Variants in KIF13A observed in about 807,000 individuals in gnomAD.
KIF13A encodes kinesin family member 13A.
Under a neutral mutation model 212.2 loss-of-function variants are expected in KIF13A, and 79 were observed. The observed-to-expected ratio is 0.37, with a 90% CI of 0.31 to 0.45. The LOEUF (loss-of-function observed/expected upper bound fraction) is 0.45, where lower values mean the gene tolerates loss of function less well. KIF13A is among the 20% of genes least tolerant of loss of function. The probability of loss-of-function intolerance (pLI) is 1.00; values close to 1 mark genes in which losing one functional copy is unlikely to be tolerated. For synonymous variants in KIF13A, 789 were observed against 808.6 expected (o/e 0.98, Z 0.41); for missense variants, 1,901 against 2,209.0 (o/e 0.86, Z 2.79).
At chr6:17,859,644 T>A (rs375636631) in intron 4 of KIF13A, among the ~76,000 whole-genome samples, 17,511 of 129,876 alleles carry the variant, frequency 0.13, 1,649 homozygotes, top group South Asian at 0.17. Context: ...ATATATTTTT[T>A]TTTTTTTTTT....
chr6:17,937,121 T>A (rs950935534), intron 2 of KIF13A, among the ~76,000 whole-genome samples: 3 of 152,136 alleles, frequency 2.0e-5, no homozygotes, highest in Non-Finnish European at 2.9e-5. Context: ...GAGGCTGCAG[T>A]GAGCTCAACC....
At position 17,934,742 on chromosome 6, in the gene KIF13A, T is replaced by C. The variant is rs899631591; in HGVS notation, c.147-36562A>G. On this transcript the variant is annotated intron_variant, in intron 2 of 38. Transcript: ENST00000259711. This position sits in a 1 kb window ranked among gnomAD's most constrained non-coding sequence, Gnocchi z 5.4. ...GGTAGAGGCTGTGGTGAGCCATGAC[T>C]GCACCACTGACTCCAGCCTGGGCAA... is the stretch of plus-strand genomic sequence containing the variant. Among the ~76,000 whole-genome samples the C allele has an allele frequency of 6.6e-6, 1 of 150,646 alleles. No individual in the cohort carries two copies. Among genetic ancestry groups the C allele is most frequent in the Non-Finnish European group, 1.5e-5 (1 of 67,800 alleles).
In KIF13A at chr6:17,888,123, A is replaced by G. The variant is rs1771719207; in HGVS notation, c.159+10045T>C. Among the ~76,000 whole-genome samples, 1 of 152,184 alleles carries G rather than the reference A, an allele frequency of 6.6e-6. No individual in the cohort carries two copies. Among genetic ancestry groups the G allele is most frequent in the Non-Finnish European group, 1.5e-5 (1 of 68,026 alleles). ...TTCTTCCTCAGAAGACACAAGACAC[A>G]AAGTACTGAAGTAGTGAATGATGAT... is the stretch of plus-strand genomic sequence containing the variant. On this transcript the variant is annotated intron_variant, in intron 3 of 38. Transcript: ENST00000259711. The surrounding 1 kb of genome is among the most constrained non-coding windows in gnomAD (Gnocchi z 4.8).
At chr6:17,823,917 C>CTTTTTT (rs60400987) in intron 16 of KIF13A, among the ~76,000 whole-genome samples, 1 of 138,010 alleles carries the variant, frequency 7.2e-6, no homozygotes, top group Non-Finnish European at 1.5e-5. Context: ...ATTTAAATTT[C>CTTTTTT]TTTTTTTTTT....
At chr6:17,969,955 C>T (rs1199312789) in intron 2 of KIF13A, among the ~76,000 whole-genome samples, 1 of 151,120 alleles carries the variant, frequency 6.6e-6, no homozygotes, top group Non-Finnish European at 1.5e-5. Flanking sequence ...CGGAGTCTCG[C>T]TCTTTCACCC....
chr6:17,901,707 T>C (rs573242917), intron 2 of KIF13A, among the ~76,000 whole-genome samples: 90 of 152,332 alleles, frequency 5.9e-4, no homozygotes, highest in Admixed American at 1.5e-3. Flanking sequence ...TGAATCACTA[T>C]CTGCACAAAT....
intron 2 of KIF13A, among the ~76,000 whole-genome samples, chr6:17,983,937 C>G (rs1439834831): frequency 1.3e-5 from 2 of 152,198 alleles, no homozygotes; most frequent in Non-Finnish European, 2.9e-5. Context: ...CTCTCAGCAT[C>G]CATAAGACCA....
At chr6:17,775,237 A>G (rs956594377) in intron 34 of KIF13A, among the ~76,000 whole-genome samples, 175 bp from the exon 35 acceptor site, 1 of 152,166 alleles carries the variant, frequency 6.6e-6, no homozygotes, top group Non-Finnish European at 1.5e-5. Context: ...TCATTCCCAT[A>G]TAAGTTTTAT....
chr6:17,861,965 C>T (rs1247618638), intron 4 of KIF13A, among the ~76,000 whole-genome samples: 3 of 152,168 alleles, frequency 2.0e-5, no homozygotes, highest in African/African-American at 7.2e-5. Context: ...TTTTCACCCC[C>T]AAATTATATA....
At chr6:17,848,072 A>G (rs1398363891) in intron 9 of KIF13A, among the ~76,000 whole-genome samples, 2 of 152,016 alleles carry the variant, frequency 1.3e-5, no homozygotes, top group African/African-American at 2.4e-5. Flanking sequence ...TCAGCCTCCC[A>G]AAGTGCTAGG....
intron 14 of KIF13A, among the ~76,000 whole-genome samples, chr6:17,827,345 C>A (rs757375765): frequency 1.3e-5 from 2 of 152,052 alleles, no homozygotes; most frequent in Non-Finnish European, 2.9e-5. Context: ...AATATGCCCC[C>A]CTTGGCCTCC....
At chr6:17,874,175 T>G (rs942590723) in intron 3 of KIF13A, among the ~76,000 whole-genome samples, 3 of 152,136 alleles carry the variant, frequency 2.0e-5, no homozygotes, top group Admixed American at 1.3e-4. Context: ...CATGATATCA[T>G]CTGTAGCATA....
At chr6:17,935,305 G>C (rs932402393) in intron 2 of KIF13A, among the ~76,000 whole-genome samples, 3 of 152,176 alleles carry the variant, frequency 2.0e-5, no homozygotes, top group Non-Finnish European at 4.4e-5. Context: ...AGCTATTTCT[G>C]CTGAGCCCCC....
At chr6:17,874,283 G>GTTTTTTT (rs67558921) in intron 3 of KIF13A, among the ~76,000 whole-genome samples, 27 of 147,972 alleles carry the variant, frequency 1.8e-4, no homozygotes, top group East Asian at 6.0e-4. Flanking sequence ...TTTTGTTTTT[G>GTTTTTTT]TTTTTTGGTG....
intron 9 of KIF13A, among the ~76,000 whole-genome samples, chr6:17,846,604 TAAAAAAAA>T (rs11431431): frequency 7.9e-6 from 1 of 127,038 alleles, no homozygotes; most frequent in African/African-American, 3.0e-5. Context: ...CCCATTTCTT[TAAAAAAAA>T]AAAAAAAAAA....
At chr6:17,804,293 G>T in intron 20 of KIF13A, 68 bp downstream of exon 20, 2 of 1,385,512 alleles carry the variant, frequency 1.4e-6, no homozygotes, top group South Asian at 1.6e-5. Flanking sequence ...TAAATAGAAT[G>T]AAAAACAAAA....
At chr6:17,781,103 C>T in intron 30 of KIF13A, 74 bp downstream of exon 30, 1 of 1,568,250 alleles carries the variant, frequency 6.4e-7, no homozygotes, top group Non-Finnish European at 8.8e-7. Context: ...CAAACCATAG[C>T]AGTTTAGTGA....
intron 2 of KIF13A, among the ~76,000 whole-genome samples, chr6:17,922,900 A>G (rs932945241): frequency 6.6e-6 from 1 of 151,858 alleles, no homozygotes; most frequent in Non-Finnish European, 1.5e-5. Flanking sequence ...CTGGGATTAC[A>G]GGTGTGAGCC....
At chr6:17,956,579 T>C (rs1157600585) in intron 2 of KIF13A, among the ~76,000 whole-genome samples, 1 of 152,226 alleles carries the variant, frequency 6.6e-6, no homozygotes, top group African/African-American at 2.4e-5. Context: ...TAGACATATA[T>C]TGGTTTTTGT....
Sources: gnomAD v4.1 joint callset for allele counts (sites outside exome capture counted in the v4.1 genomes callset) on GRCh38, gnomAD v4.1.1 for gene constraint, Gnocchi (gnomAD v3.1) non-coding constraint, MANE v1.5 for transcripts, NCBI Gene and HGNC (gene_info 2026-07-23, HGNC 2026-07-21) for gene names.